The following CENPQ variants were observed in gnomAD, a reference collection of about 807,000 sequenced individuals.
CENPQ encodes the protein chromosome 6 open reading frame 139.
In CENPQ, 27 loss-of-function variants were observed where a neutral mutation model predicts 36.6. The ratio of observed to expected loss-of-function variants is 0.74; its 90% CI spans 0.54 to 1.02. The LOEUF is 1.02. Ranked by LOEUF, CENPQ falls within the 50% of genes least tolerant of loss-of-function variation. The pLI is 0.00. For missense variants in CENPQ, 306 were observed against 301.8 expected (o/e 1.01, Z -0.10); for synonymous variants, 101 against 101.7 (o/e 0.99, Z 0.04).
rs914722569 is a variant in CENPQ at position 49,493,067 on chromosome 6, T to G, written c.*792T>G. The G allele has an allele frequency of 6.6e-6, 1 of 152,064 alleles. No homozygotes were observed. Among genetic ancestry groups the G allele is most frequent in the Admixed American group, 6.6e-5 (1 of 15,262 alleles). The allele number at this position is 152,064 out of a possible 1,614,324, so 9.4% of individuals were successfully genotyped here. ...GTATACTGTCTTGGGTTTTTTTTTT[T>G]TTTTTTAGTCTGTAAAATAAAATGA... On this transcript the variant is annotated 3_prime_UTR_variant, in exon 9 of 9. Transcript: ENST00000335783.
intron 2 of CENPQ, among the ~76,000 whole-genome samples, chr6:49,470,622 CAAAAA>C (rs1199878940): frequency 1.5e-5 from 1 of 66,380 alleles, no homozygotes. Context: ...GACTCCGTCT[CAAAAA>C]AAAAAAAAAA....
At chr6:49,482,114 C>T (rs1048622243) in intron 6 of CENPQ, among the ~76,000 whole-genome samples, 11 of 152,144 alleles carry the variant, frequency 7.2e-5, no homozygotes, top group Admixed American at 2.6e-4. Context: ...CCAGCTGCTC[C>T]GAGTGTGGGG....
intron 5 of CENPQ, among the ~76,000 whole-genome samples, chr6:49,479,320 G>A (rs541581132): frequency 1.3e-5 from 2 of 152,050 alleles, no homozygotes; most frequent in Non-Finnish European, 1.5e-5. Context: ...AGTGGGCAAA[G>A]GACATGAACA....
intron 1 of CENPQ, among the ~76,000 whole-genome samples, chr6:49,466,533 T>C (rs961436616): frequency 3.3e-5 from 5 of 152,212 alleles, no homozygotes; most frequent in African/African-American, 1.2e-4. Context: ...CTTGCCTCTT[T>C]ATAACATTTA....
intron 5 of CENPQ, among the ~76,000 whole-genome samples, chr6:49,478,669 G>A (rs1463237948): frequency 1.3e-5 from 2 of 152,196 alleles, no homozygotes; most frequent in East Asian, 3.9e-4. Flanking sequence ...CTGAGCTTAG[G>A]TGATATACAC....
intron 6 of CENPQ, among the ~76,000 whole-genome samples, chr6:49,483,516 G>C (rs908179390): frequency 6.6e-6 from 1 of 152,288 alleles, no homozygotes; most frequent in African/African-American, 2.4e-5. Context: ...AACCCTCTGA[G>C]GGGGGAGGCT....
intron 1 of CENPQ, among the ~76,000 whole-genome samples, chr6:49,468,699 T>C (rs1768060940): frequency 1.3e-5 from 2 of 152,196 alleles, no homozygotes; most frequent in Admixed American, 1.3e-4. Flanking sequence ...ATTCTACTGC[T>C]CAAACAGCTT....
chr6:49,473,258 G>A (rs1366810853), intron 5 of CENPQ, among the ~76,000 whole-genome samples: 1 of 152,026 alleles, frequency 6.6e-6, no homozygotes, highest in Non-Finnish European at 1.5e-5. Flanking sequence ...ATTTGCATGA[G>A]CAACAAGTAT....
chr6:49,482,183 C>T (rs547715453), intron 6 of CENPQ, among the ~76,000 whole-genome samples: 43 of 152,308 alleles, frequency 2.8e-4, no homozygotes, highest in African/African-American at 9.6e-4. Context: ...CGCGCAGCCC[C>T]GGTTCCCGCT....
chr6:49,470,042 A>T, intron 1 of CENPQ, 117 bp from the exon 2 acceptor site: 1 of 526,096 alleles, frequency 1.9e-6, no homozygotes, highest in Non-Finnish European at 3.3e-6. Context: ...TTCTTTAAAA[A>T]AAAAAAAAAA....
intron 1 of CENPQ, 120 bp from the exon 2 acceptor site, chr6:49,470,039 A>T: frequency 1.1e-5 from 4 of 369,158 alleles, no homozygotes; most frequent in South Asian, 4.1e-5. Flanking sequence ...TTTTTCTTTA[A>T]AAAAAAAAAA....
intron 8 of CENPQ, among the ~76,000 whole-genome samples, chr6:49,491,780 T>C (rs1049834898): frequency 6.6e-6 from 1 of 152,102 alleles, no homozygotes; most frequent in Admixed American, 6.5e-5. Flanking sequence ...CCAGGTGTGG[T>C]GGCACATGCC....
chr6:49,486,503 A>G (rs1214633869), intron 6 of CENPQ, among the ~76,000 whole-genome samples: 1 of 152,238 alleles, frequency 6.6e-6, no homozygotes, highest in African/African-American at 2.4e-5. Flanking sequence ...GAAATTCCAC[A>G]GAGTAAACTA....
At chr6:49,475,746 G>A (rs1049623746) in intron 5 of CENPQ, among the ~76,000 whole-genome samples, 1 of 152,146 alleles carries the variant, frequency 6.6e-6, no homozygotes, top group Non-Finnish European at 1.5e-5. Flanking sequence ...CAAAATCAAT[G>A]TGCAAAAATC....
chr6:49,485,829 A>G (rs1044985221), intron 6 of CENPQ, among the ~76,000 whole-genome samples: 4 of 152,098 alleles, frequency 2.6e-5, no homozygotes, highest in Non-Finnish European at 5.9e-5. Flanking sequence ...AGAAGATACC[A>G]TATGAGTATG....
chr6:49,470,140 ATT>A lies in CENPQ; in HGVS notation c.-18-7_-18-6del, dbSNP rs11333073. The A allele has an allele frequency of 0.012, 10,825 of 931,416 alleles. 1 individual carries two copies. The highest frequency in any genetic ancestry group is 0.014 in the South Asian group (802 of 57,642). The allele number at this position is 931,416 out of a possible 1,614,324, so 57.7% of individuals were successfully genotyped here. ...TTTTGTATTATTTTCATCTTTACAG[ATT>A]TTTTTTTTTTTCGAAGCACTGTGTT... On this transcript the variant is annotated splice_polypyrimidine_tract_variant and intron_variant, in intron 1 of 8. Coordinates refer to ENST00000335783, the MANE Select transcript of CENPQ (RefSeq NM_018132.4).
chr6:49,478,148 A>G (rs1581849879), intron 5 of CENPQ, among the ~76,000 whole-genome samples: 1 of 152,298 alleles, frequency 6.6e-6, no homozygotes, highest in South Asian at 2.1e-4. Flanking sequence ...ACTTCTACCA[A>G]TACAACAAAG....
intron 8 of CENPQ, among the ~76,000 whole-genome samples, chr6:49,491,876 T>C (rs1768728748): frequency 1.3e-5 from 2 of 152,024 alleles, no homozygotes; most frequent in Non-Finnish European, 2.9e-5. Flanking sequence ...GACTGCGCCA[T>C]TGTACTCCAG....
At chr6:49,492,019 C>T (rs1292521131) in intron 8 of CENPQ, 125 bp from the exon 9 acceptor site, 3 of 694,572 alleles carry the variant, frequency 4.3e-6, no homozygotes, top group South Asian at 2.0e-5. Flanking sequence ...AATGGCGATT[C>T]GTTGACAATT....
Sources: allele counts gnomAD v4.1 joint callset (sites outside exome capture counted in the v4.1 genomes callset), GRCh38; gene constraint gnomAD v4.1.1; transcripts MANE v1.5; gene names NCBI Gene and HGNC (gene_info 2026-07-23, HGNC 2026-07-21).